The following AAGAB variants were observed in gnomAD, a reference collection of about 807,000 sequenced individuals.
The protein encoded by AAGAB is alpha and gamma adaptin binding protein, also known as alpha- and gamma-adaptin-binding protein p34.
A neutral mutation model predicts 44.1 loss-of-function variants in AAGAB; 38 were observed. The observed-to-expected ratio is 0.86, with a 90% CI of 0.67 to 1.13. AAGAB has a LOEUF of 1.13. Among genes scored for constraint, AAGAB ranks in the 50% most tolerant of loss-of-function variants. The pLI, the probability that AAGAB is intolerant of heterozygous loss-of-function variation, is 0.00. For missense variants in AAGAB, 450 were observed against 373.8 expected (o/e 1.20, Z -1.68); for synonymous variants, 131 against 131.8 (o/e 0.99, Z 0.04).
rs1023034317 is a variant in AAGAB at position 67,236,156 on chromosome 15, T to C, written c.362-88A>G. ...AATATTCTTCACAAATCTCAATGTG[T>C]TTCCCTTAATGTCAATGTTATTCTA... On this transcript the variant is annotated intron_variant, in intron 3 of 9. Transcript: ENST00000261880. The C allele has an allele frequency of 6.5e-6, 7 of 1,076,098 alleles. No individual in the cohort carries two copies. In the African/African-American group the frequency reaches 1.1e-4, roughly 17 times the overall value. 66.7% of individuals were successfully genotyped at this position (1,076,098 alleles called of 1,614,324 possible).
At chr15:67,254,764 G>T, upstream of AAGAB, 1 of 1,320,214 alleles carries the variant, frequency 7.6e-7, no homozygotes, top group East Asian at 2.5e-5. Context: ...CCCGCCCCTA[G>T]ACCCCCTTCC....
At chr15:67,243,158 G>C (rs1296171703) in intron 1 of AAGAB, among the ~76,000 whole-genome samples, 4 of 152,004 alleles carry the variant, frequency 2.6e-5, no homozygotes, top group Non-Finnish European at 4.4e-5. Context: ...AGTGGGCAGG[G>C]GGGTTGTGGG....
chr15:67,234,813 G>A (rs1442770431), intron 4 of AAGAB, among the ~76,000 whole-genome samples: 1 of 152,090 alleles, frequency 6.6e-6, no homozygotes, highest in Admixed American at 6.5e-5. Flanking sequence ...CAGGGACCTA[G>A]AAAAACACAG....
intron 5 of AAGAB, among the ~76,000 whole-genome samples, chr15:67,224,020 A>C (rs1964143047): frequency 6.6e-6 from 1 of 152,184 alleles, no homozygotes; most frequent in African/African-American, 2.4e-5. Context: ...CTACAAAGCA[A>C]TCTCAATGTC....
chr15:67,207,863 T>C (rs2140344590), intron 7 of AAGAB, among the ~76,000 whole-genome samples: 1 of 152,326 alleles, frequency 6.6e-6, no homozygotes, highest in South Asian at 2.1e-4. Context: ...TTTTTTCTTC[T>C]TCTTCATATG....
chr15:67,210,059 G>C lies in AAGAB; in HGVS notation c.536-515C>G, dbSNP rs111359858. Among the ~76,000 whole-genome samples, 662 of 152,214 alleles carry C rather than the reference G, an allele frequency of 4.3e-3. 6 individuals carry two copies. The highest frequency in any genetic ancestry group is 0.015 in the African/African-American group (642 of 41,506). On this transcript the variant is annotated intron_variant, in intron 5 of 9. Coordinates refer to ENST00000261880, the MANE Select transcript of AAGAB (RefSeq NM_024666.5). ...GCAGGGCCATTATGACAAACAAAAGGCCAGTGGTTCTATTTGCAAAGATTA... is the reference window on the plus strand; with the variant it reads ...GCAGGGCCATTATGACAAACAAAAGCCCAGTGGTTCTATTTGCAAAGATTA...
intron 5 of AAGAB, among the ~76,000 whole-genome samples, chr15:67,227,139 A>T (rs1174352654): frequency 6.6e-6 from 1 of 152,246 alleles, no homozygotes; most frequent in Non-Finnish European, 1.5e-5. Flanking sequence ...GACATAACGT[A>T]AATGTTCTAT....
chr15:67,236,803 C>G lies in AAGAB; in HGVS notation c.91G>C (p.Asp31His). ...TTGGAAGTCACTTCCACAATAAGAT[C>G]TTCTGTTCCAAGGATATCTAAAAAT... ...QLVQHILGTE[D>H]LIVEVTSNDA... Residue 31 changes from aspartate to histidine, a missense_variant, in exon 2 of 10, where the codon GAT becomes CAT. Physicochemically the swap from Asp to His is moderately conservative, Grantham distance 81 (BLOSUM62 -1). Coordinates refer to ENST00000261880, the MANE Select transcript of AAGAB (RefSeq NM_024666.5). 1.2e-6 allele frequency: 2 copies of G among 1,609,752 alleles called. No homozygotes were observed. Among genetic ancestry groups the G allele is most frequent in the Non-Finnish European group, 1.7e-6 (2 of 1,178,196 alleles).
intron 1 of AAGAB, among the ~76,000 whole-genome samples, chr15:67,250,681 A>G (rs1292329500): frequency 6.6e-6 from 1 of 152,174 alleles, no homozygotes; most frequent in East Asian, 1.9e-4. Context: ...TTGCTCTCAT[A>G]TCGTGTATTA....
chr15:67,254,489 G>A, intron 1 of AAGAB, 70 bp downstream of exon 1: 1 of 1,519,850 alleles, frequency 6.6e-7, no homozygotes, highest in Non-Finnish European at 8.9e-7. Flanking sequence ...CAGAGAGGCC[G>A]TGGTGCTGGG....
At position 67,246,979 on chromosome 15, in the gene AAGAB, T is replaced by C. The variant is rs577534315; in HGVS notation, c.73+7580A>G. Reference sequence around the variant, plus strand: ...TTGTTCTTTTGCTCTTTACAATAAATCTTGCTGCTGCTCACTCTTTGGGTC... The same window carrying C: ...TTGTTCTTTTGCTCTTTACAATAAACCTTGCTGCTGCTCACTCTTTGGGTC... On this transcript the variant is annotated intron_variant, in intron 1 of 9. Transcript: ENST00000261880. 2.4e-3 allele frequency among the ~76,000 whole-genome samples: 373 copies of C among 152,278 alleles called. 4 individuals carry two copies. Among genetic ancestry groups the C allele is most frequent in the Non-Finnish European group, 3.2e-3 (218 of 68,000 alleles).
intron 5 of AAGAB, among the ~76,000 whole-genome samples, chr15:67,215,235 C>T (rs560665996): frequency 1.4e-4 from 21 of 152,236 alleles, no homozygotes; most frequent in African/African-American, 4.6e-4. Flanking sequence ...CATGGACAAT[C>T]GCTAATGGTT....
At chr15:67,254,960 C>T, upstream of AAGAB, 1 of 1,611,592 alleles carries the variant, frequency 6.2e-7, no homozygotes, top group African/African-American at 1.3e-5. Context: ...GGGAAACGGG[C>T]TTCCCCCGGC....
chr15:67,210,780 T>TCTC (rs1183524616), intron 5 of AAGAB, among the ~76,000 whole-genome samples: 5 of 152,190 alleles, frequency 3.3e-5, no homozygotes, highest in African/African-American at 1.2e-4. Context: ...GATCATGGAA[T>TCTC]CTCAACTTTT....
In AAGAB at chr15:67,210,515, C is replaced by CA. The variant is rs1389837020; in HGVS notation, c.536-972dup. ...TAGGCAACAGTGTGAGGCTCCGTCT[C>CA]AAAAAAAAAAAAAAGAAAAGAAAAA... On this transcript the variant is annotated intron_variant, in intron 5 of 9. Coordinates refer to ENST00000261880, the MANE Select transcript of AAGAB (RefSeq NM_024666.5). Among the ~76,000 whole-genome samples, 466 of 95,756 alleles carry CA rather than the reference C, an allele frequency of 4.9e-3. 3 individuals carry two copies. The highest frequency in any genetic ancestry group is 0.019 in the East Asian group (69 of 3,542). The allele number at this position is 95,756 out of a possible 152,430, so 62.8% of individuals were successfully genotyped here.
intron 4 of AAGAB, among the ~76,000 whole-genome samples, chr15:67,235,202 C>T (rs1026983205): frequency 1.3e-5 from 2 of 152,170 alleles, no homozygotes; most frequent in Non-Finnish European, 2.9e-5. Context: ...GGTCACAATG[C>T]CAACACGTTC....
At chr15:67,223,749 A>G (rs1964137234) in intron 5 of AAGAB, among the ~76,000 whole-genome samples, 1 of 152,206 alleles carries the variant, frequency 6.6e-6, no homozygotes. Flanking sequence ...TACTCTGAGT[A>G]AATGTCAAAG....
chr15:67,210,180 A>T (rs1347556507), intron 5 of AAGAB, among the ~76,000 whole-genome samples: 1 of 152,236 alleles, frequency 6.6e-6, no homozygotes, highest in African/African-American at 2.4e-5. Context: ...CATTCATATC[A>T]GGTGAAGGCA....
chr15:67,203,001 C>A (rs763370519), intron 9 of AAGAB, 103 bp from the exon 10 acceptor site: 6 of 1,022,504 alleles, frequency 5.9e-6, no homozygotes, highest in Non-Finnish European at 9.3e-6. Context: ...CTGCACTTTG[C>A]CCTCCAGTCC....
Sources: gnomAD v4.1 joint callset for allele counts (sites outside exome capture counted in the v4.1 genomes callset) on GRCh38, gnomAD v4.1.1 for gene constraint, MANE v1.5 for transcripts, NCBI Gene and HGNC (gene_info 2026-07-23, HGNC 2026-07-21) for gene names.